MMP15: variants seen among roughly 807,000 people sequenced by gnomAD.
MMP15 encodes matrix metalloproteinase-15.
MMP15 carries 36 observed loss-of-function variants against 65.0 expected under a neutral mutation model. The ratio of observed to expected loss-of-function variants is 0.55; its 90% confidence interval spans 0.42 to 0.73. The LOEUF is 0.73. Among genes scored for constraint, MMP15 ranks in the 30% least tolerant of loss-of-function variants. The probability of loss-of-function intolerance (pLI) is 0.00; values close to 1 mark genes in which losing one functional copy is unlikely to be tolerated. For missense variants in MMP15, 870 were observed against 987.8 expected, an observed-to-expected ratio of 0.88 and a Z score of 1.60; for synonymous variants, 428 against 410.2, an observed-to-expected ratio of 1.04 and a Z score of -0.52.
intron 6 of MMP15, 93 bp downstream of exon 6, chr16:58,041,963 C>T (rs1959467667): frequency 6.3e-6 from 9 of 1,422,402 alleles, no homozygotes; most frequent in African/African-American, 1.4e-5. Flanking sequence ...CCCGGGGAGC[C>T]ATTAAGCCCT....
chr16:58,028,169 T>A (rs1429519222), intron 1 of MMP15, among the ~76,000 whole-genome samples: 1 of 152,176 alleles, frequency 6.6e-6, no homozygotes, highest in Non-Finnish European at 1.5e-5. Context: ...ACTCTCTCTC[T>A]CTTCTGCTTT....
rs1959551733 is a variant in MMP15 at position 58,045,621 on chromosome 16, T to C, written c.*175T>C. On this transcript the variant is annotated 3_prime_UTR_variant, in exon 10 of 10. Coordinates refer to ENST00000219271, the MANE Select transcript of MMP15 (RefSeq NM_002428.4). ...TTTGTTTTGTTTTTGGCACCTTACT[T>C]GACCATTTGTTTCTGTTTCCCCGAC... 1.7e-6 allele frequency: 1 copy of C among 594,590 alleles called. No individual in the cohort carries two copies. Among genetic ancestry groups the C allele is most frequent in the Admixed American group, 3.5e-5 (1 of 28,934 alleles). 36.8% of individuals were successfully genotyped at this position (594,590 alleles called of 1,614,324 possible).
intron 1 of MMP15, 96 bp from the exon 2 acceptor site, chr16:58,037,376 C>T (rs148159426): frequency 2.2e-5 from 33 of 1,480,486 alleles, no homozygotes; most frequent in East Asian, 9.1e-5. Flanking sequence ...GATAGAGCAG[C>T]GGTGGTGGAG....
At chr16:58,032,249 G>C (rs762926256) in intron 1 of MMP15, among the ~76,000 whole-genome samples, 18 of 152,178 alleles carry the variant, frequency 1.2e-4, no homozygotes, top group Non-Finnish European at 2.4e-4. Context: ...TGATGATCTT[G>C]GCCCTATTTT....
At chr16:58,026,889 G>T (rs1049167713) in intron 1 of MMP15, among the ~76,000 whole-genome samples, 1 of 152,180 alleles carries the variant, frequency 6.6e-6, no homozygotes, top group African/African-American at 2.4e-5. Context: ...CCCGGCTGGC[G>T]CGCAGTGGCG....
chr16:58,040,484 G>C (rs1959429293), intron 4 of MMP15, 53 bp from the exon 5 acceptor site: 5 of 1,587,628 alleles, frequency 3.1e-6, no homozygotes, highest in Non-Finnish European at 8.6e-7. Flanking sequence ...AGGGTGATTG[G>C]GTCCTGGGAC....
rs1283278078 is a variant in MMP15 at position 58,046,351 on chromosome 16, GC to G, written c.*906del. The G allele has an allele frequency of 1.3e-5, 2 of 152,928 alleles. No individual in the cohort carries two copies. The highest frequency in any genetic ancestry group is 2.9e-5 in the Non-Finnish European group (2 of 68,584). The allele number at this position is 152,928 out of a possible 1,614,324, so 9.5% of individuals were successfully genotyped here. A position where few individuals can be genotyped will look rare whatever the true frequency, so the allele number is the denominator to read the frequency against. On this transcript the variant is annotated 3_prime_UTR_variant, in exon 10 of 10. Coordinates refer to ENST00000219271, the MANE Select transcript of MMP15 (RefSeq NM_002428.4). ...GTGTCCTGAGCCCCAGGGAGAGGGG[GC>G]TGGTGGGTGCCTAGGCCTGGGCAGT...
intron 2 of MMP15, 90 bp from the exon 3 acceptor site, chr16:58,038,176 A>T: frequency 1.3e-6 from 2 of 1,548,666 alleles, no homozygotes; most frequent in Non-Finnish European, 1.8e-6. Flanking sequence ...GGCGGCTGGG[A>T]AGCCCGGAAG....
At chr16:58,027,498 C>G (rs1474693753) in intron 1 of MMP15, among the ~76,000 whole-genome samples, 1 of 152,160 alleles carries the variant, frequency 6.6e-6, no homozygotes, top group Non-Finnish European at 1.5e-5. Context: ...GGAGAAAGAA[C>G]CACCCCGGAG....
Position 58,026,161 on chromosome 16 carries a change from G to A in MMP15, c.-190G>A, listed in dbSNP as rs1219189270. The A allele has an allele frequency of 7.4e-6, 4 of 544,186 alleles. No homozygotes were observed. Among genetic ancestry groups the A allele is most frequent in the Non-Finnish European group, 1.1e-5 (4 of 363,228 alleles). 33.7% of individuals were successfully genotyped at this position (544,186 alleles called of 1,614,324 possible). On this transcript the variant is annotated 5_prime_UTR_variant, in exon 1 of 10. Transcript: ENST00000219271. Reference sequence around the variant, plus strand: ...TCCCGCCGGCTGGTTCCGAGCTCCCGGACCTGCCCTGCCCGCTTCTCCTCG... The same window carrying A: ...TCCCGCCGGCTGGTTCCGAGCTCCCAGACCTGCCCTGCCCGCTTCTCCTCG...
At chr16:58,036,964 G>A (rs1216475980) in intron 1 of MMP15, among the ~76,000 whole-genome samples, 1 of 152,252 alleles carries the variant, frequency 6.6e-6, no homozygotes, top group Non-Finnish European at 1.5e-5. Context: ...AGGGGGTGCA[G>A]GGTATAGCTG....
Position 58,026,449 on chromosome 16 carries a change from C to T in MMP15, c.99C>T (p.Leu33=), listed in dbSNP as rs752217711. The part of the protein sequence containing the change: ...EAARPRLLPL[L]LVLLGCLGLG... ...CGCGGCCGCGACTGCTGCCGCTGCTCCTGGTGCTTCTGGGCTGCCTGGGCC... is the reference window on the plus strand; with the variant it reads ...CGCGGCCGCGACTGCTGCCGCTGCTTCTGGTGCTTCTGGGCTGCCTGGGCC... The change falls in exon 1 of 10, where the codon CTC becomes CTT. Residue 33 remains leucine, a synonymous_variant. Transcript: ENST00000219271. 7.6e-6 allele frequency: 11 copies of T among 1,452,182 alleles called. No individual in the cohort carries two copies. Among genetic ancestry groups the T allele is most frequent in the African/African-American group, 3.0e-5 (2 of 67,306 alleles). The allele number at this position is 1,452,182 out of a possible 1,614,324, so 90.0% of individuals were successfully genotyped here. A position where few individuals can be genotyped will look rare whatever the true frequency, so the allele number is the denominator to read the frequency against.
In MMP15 at chr16:58,042,272, C is replaced by T; in HGVS notation, c.1206C>T (p.Asp402=). 1.2e-6 allele frequency: 2 copies of T among 1,614,210 alleles called. No homozygotes were observed. Among genetic ancestry groups the T allele is most frequent in the Non-Finnish European group, 1.7e-6 (2 of 1,180,038 alleles). The change falls in exon 7 of 10, where the codon GAC becomes GAT. Residue 402 remains aspartate (D), a synonymous_variant. Coordinates refer to ENST00000219271, the MANE Select transcript of MMP15 (RefSeq NM_002428.4). The part of the protein sequence containing the change: ...FWRVRHNRVL[D]NYPMPIGHFW... Reference sequence around the variant, plus strand: ...GAGTCCGGCACAACCGCGTCCTGGACAACTATCCCATGCCCATCGGGCACT... The same window carrying T: ...GAGTCCGGCACAACCGCGTCCTGGATAACTATCCCATGCCCATCGGGCACT...
At chr16:58,043,071 C>T (rs1959485952) in intron 7 of MMP15, 139 bp from the exon 8 acceptor site, 8 of 792,902 alleles carry the variant, frequency 1.0e-5, no homozygotes, top group South Asian at 3.8e-5. Context: ...ATGTGATGTG[C>T]GGGTGACCTC....
In MMP15 at chr16:58,025,766, G is replaced by C. The variant is rs920720717; in HGVS notation, c.-585G>C. On this transcript the variant is annotated 5_prime_UTR_variant, in exon 1 of 10. Transcript: ENST00000219271. ...CGCGGCGCGCGGGGAGGAGGGCTGGGAGCGCCCGGAGCCGCGCTGAACTCG... is the reference window on the plus strand; with the variant it reads ...CGCGGCGCGCGGGGAGGAGGGCTGGCAGCGCCCGGAGCCGCGCTGAACTCG... 3 of 151,876 alleles carry C rather than the reference G, an allele frequency of 2.0e-5. No homozygotes were observed. The highest frequency in any genetic ancestry group is 1.9e-4 in the East Asian group (1 of 5,144). 9.4% of individuals were successfully genotyped at this position (151,876 alleles called of 1,614,324 possible). A position where few individuals can be genotyped will look rare whatever the true frequency, so the allele number is the denominator to read the frequency against.
chr16:58,043,717 A>T (rs1012953304), intron 9 of MMP15, 90 bp downstream of exon 9: 1 of 928,572 alleles, frequency 1.1e-6, no homozygotes, highest in African/African-American at 1.7e-5. Context: ...GTCACCCGGC[A>T]CTGTGATGGT....
At chr16:58,043,464 G>T (rs1405337830) in intron 8 of MMP15, 48 bp from the exon 9 acceptor site, 1 of 1,605,858 alleles carries the variant, frequency 6.2e-7, no homozygotes, top group Non-Finnish European at 8.5e-7. Flanking sequence ...AACGGGTCCT[G>T]GCCCAAGCAG....
In MMP15 at chr16:58,045,526, G is replaced by C. The variant is rs988386494; in HGVS notation, c.*80G>C. The C allele has an allele frequency of 7.6e-7, 1 of 1,313,246 alleles. No homozygotes were observed. The highest frequency in any genetic ancestry group is 1.5e-5 in the African/African-American group (1 of 67,344). The allele number at this position is 1,313,246 out of a possible 1,614,324, so 81.3% of individuals were successfully genotyped here. ...CTCCCAGGGGCTCCCTCCGCCCCCA[G>C]GTAGGGGCCCCTCTCAGCCCTCACA... On this transcript the variant is annotated 3_prime_UTR_variant, in exon 10 of 10. Transcript: ENST00000219271.
chr16:58,038,188 G>A (rs1959374151), intron 2 of MMP15, 78 bp from the exon 3 acceptor site: 2 of 1,570,670 alleles, frequency 1.3e-6, no homozygotes, highest in African/African-American at 1.3e-5. Flanking sequence ...GCCCGGAAGT[G>A]GCGGAAGTGG....
Sources: gnomAD v4.1 joint callset for allele counts (sites outside exome capture counted in the v4.1 genomes callset) on GRCh38, gnomAD v4.1.1 for gene constraint, MANE v1.5 for transcripts, NCBI Gene and HGNC (gene_info 2026-07-23, HGNC 2026-07-21) for gene names.